Variants in ATP11A observed in about 807,000 individuals in gnomAD.
The protein encoded by ATP11A is phospholipid-transporting ATPase IH.
In ATP11A, 81 loss-of-function variants were observed where a neutral mutation model predicts 154.4. That is an observed-to-expected ratio of 0.52 (90% CI 0.44 to 0.63). The LOEUF (loss-of-function observed/expected upper bound fraction) is 0.63. ATP11A is among the 30% of genes least tolerant of loss of function. The pLI is 0.00. For synonymous variants in ATP11A, 623 were observed against 585.9 expected (o/e 1.06, Z -0.91); for missense variants, 1,316 against 1,474.3 (o/e 0.89, Z 1.76).
intron 19 of ATP11A, among the ~76,000 whole-genome samples, chr13:112,854,821 A>G (rs1193238375): frequency 6.6e-6 from 1 of 152,190 alleles, no homozygotes; most frequent in Non-Finnish European, 1.5e-5. Context: ...AAATATTTTG[A>G]GTGGGATAAT....
At chr13:112,864,235 G>GTA (rs2080234896) in intron 25 of ATP11A, among the ~76,000 whole-genome samples, 1 of 39,462 alleles carries the variant, frequency 2.5e-5, no homozygotes, top group African/African-American at 8.8e-5. Context: ...AATTCAGTGC[G>GTA]GCCCATGCAG....
intron 8 of ATP11A, among the ~76,000 whole-genome samples, chr13:112,822,930 G>A (rs2078836486): frequency 6.6e-6 from 1 of 152,162 alleles, no homozygotes; most frequent in African/African-American, 2.4e-5. Context: ...CGGTAGGCCT[G>A]GGACGATCTT....
At chr13:112,823,858 G>T (rs1348491859) in intron 9 of ATP11A, among the ~76,000 whole-genome samples, 1 of 152,182 alleles carries the variant, frequency 6.6e-6, no homozygotes, top group Non-Finnish European at 1.5e-5. Flanking sequence ...CAGGATGCCT[G>T]CAGATGCCAA....
chr13:112,707,843 C>T (rs1452352227), intron 1 of ATP11A, among the ~76,000 whole-genome samples: 3 of 152,114 alleles, frequency 2.0e-5, no homozygotes, highest in African/African-American at 7.2e-5. Flanking sequence ...GCCAAACTTG[C>T]ACCAAAAAAA....
intron 1 of ATP11A, 137 bp from the exon 2 acceptor site, chr13:112,784,998 C>G: frequency 8.6e-7 from 1 of 1,161,574 alleles, no homozygotes; most frequent in East Asian, 3.0e-5. Context: ...CCCAGGTCTC[C>G]CTGCAGCCCT....
chr13:112,779,146 G>A lies in ATP11A; in HGVS notation c.40-5989G>A, dbSNP rs148269969. On this transcript the variant is annotated intron_variant, in intron 1 of 29. Coordinates refer to ENST00000375645, the MANE Select transcript of ATP11A (RefSeq NM_015205.3). ...TGAGTAGCCGCTGGAGTGAGTAGCC[G>A]CTGGAGTGAGGAGTAGCCACTGGAG... is the stretch of plus-strand genomic sequence containing the variant. Among the ~76,000 whole-genome samples the A allele has an allele frequency of 8.5e-4, 95 of 112,252 alleles. 2 individuals are homozygous for A. The highest frequency in any genetic ancestry group is 2.1e-3 in the South Asian group (7 of 3,286). 73.6% of individuals were successfully genotyped at this position (112,252 alleles called of 152,430 possible).
intron 15 of ATP11A, among the ~76,000 whole-genome samples, chr13:112,835,320 A>G (rs1022096252): frequency 1.3e-5 from 2 of 152,238 alleles, no homozygotes; most frequent in African/African-American, 2.4e-5. Context: ...GCAAAGACAC[A>G]AGATCTGGTG....
In ATP11A at chr13:112,838,404, G is replaced by A. The variant is rs948975274; in HGVS notation, c.1705+2153G>A. ...TCACGTGGTTTTCCCCGTAGCAGTC[G>A]AATCTAGCTGTTGAGCCGTGGCTGG... is the stretch of plus-strand genomic sequence containing the variant. On this transcript the variant is annotated intron_variant, in intron 16 of 29. Transcript: ENST00000375645. This position sits in a 1 kb window ranked among gnomAD's most constrained non-coding sequence, Gnocchi z 7.3. 3.3e-5 allele frequency among the ~76,000 whole-genome samples: 5 copies of A among 151,842 alleles called. No individual in the cohort carries two copies. The highest frequency in any genetic ancestry group is 9.7e-5 in the African/African-American group (4 of 41,200).
At chr13:112,812,321 C>T (rs2078524335) in intron 5 of ATP11A, among the ~76,000 whole-genome samples, 2 of 152,318 alleles carry the variant, frequency 1.3e-5, no homozygotes, top group South Asian at 4.1e-4. Flanking sequence ...CTTCCTGCCC[C>T]CACTGGTCCT....
chr13:112,780,599 T>A (rs2077473979), intron 1 of ATP11A, among the ~76,000 whole-genome samples: 1 of 152,152 alleles, frequency 6.6e-6, no homozygotes, highest in Non-Finnish European at 1.5e-5. Flanking sequence ...CTCGCCGAAT[T>A]TTTTGTGCCC....
intron 13 of ATP11A, among the ~76,000 whole-genome samples, chr13:112,832,562 C>T (rs966623618): frequency 2.6e-5 from 4 of 152,166 alleles, no homozygotes; most frequent in Non-Finnish European, 5.9e-5. Flanking sequence ...TGGACGCTAG[C>T]GGTCACTTGC....
chr13:112,763,911 G>A (rs1423165285), intron 1 of ATP11A, among the ~76,000 whole-genome samples: 3 of 152,170 alleles, frequency 2.0e-5, no homozygotes, highest in Admixed American at 2.0e-4. Context: ...AAATCAAGCT[G>A]TGCCCCAACC....
At chr13:112,740,146 CTCTATATATATA>C (rs949824080) in intron 1 of ATP11A, among the ~76,000 whole-genome samples, 51 of 112,522 alleles carry the variant, frequency 4.5e-4, no homozygotes, top group African/African-American at 1.3e-3. Flanking sequence ...CTCTCTCTCT[CTCTATATATATA>C]TATATATATA....
Position 112,772,150 on chromosome 13 carries a change from G to A in ATP11A, c.40-12985G>A, listed in dbSNP as rs147419247. On this transcript the variant is annotated intron_variant, in intron 1 of 29. Transcript: ENST00000375645. ...ATCACCTTATCTTTGTTGGCAAAGTGCCCTATGAAATGTAAAACAAAGTCT... is the reference window on the plus strand; with the variant it reads ...ATCACCTTATCTTTGTTGGCAAAGTACCCTATGAAATGTAAAACAAAGTCT... 8.5e-5 allele frequency among the ~76,000 whole-genome samples: 13 copies of A among 152,264 alleles called. No homozygotes were observed. The East Asian group carries it at 2.5e-3, about 29-fold the overall frequency.
At chr13:112,793,671 C>T (rs920273829) in intron 2 of ATP11A, among the ~76,000 whole-genome samples, 3 of 152,212 alleles carry the variant, frequency 2.0e-5, no homozygotes, top group Admixed American at 6.5e-5. Context: ...GATGGGTGTC[C>T]GGCGTCCCCG....
intron 5 of ATP11A, among the ~76,000 whole-genome samples, chr13:112,812,324 C>T (rs983246174): frequency 4.6e-5 from 7 of 152,212 alleles, no homozygotes; most frequent in Non-Finnish European, 8.8e-5. Flanking sequence ...CCTGCCCCCA[C>T]TGGTCCTCGT....
intron 1 of ATP11A, among the ~76,000 whole-genome samples, chr13:112,763,991 A>G (rs1419115348): frequency 6.6e-6 from 1 of 152,246 alleles, no homozygotes; most frequent in African/African-American, 2.4e-5. Flanking sequence ...TTGGCAAAAT[A>G]AACCCCTAAA....
At chr13:112,800,281 A>G (rs1230419590) in intron 2 of ATP11A, among the ~76,000 whole-genome samples, 1 of 152,150 alleles carries the variant, frequency 6.6e-6, no homozygotes, top group African/African-American at 2.4e-5. Context: ...AAGAAAAGAG[A>G]CACAAATTCC....
At position 112,854,280 on chromosome 13, in the gene ATP11A, C is replaced by T. The variant is rs914324212; in HGVS notation, c.1993C>T (p.Leu665=). 2 of 1,614,002 alleles carry T rather than the reference C, an allele frequency of 1.2e-6. No individual in the cohort carries two copies. Among genetic ancestry groups the T allele is most frequent in the African/African-American group, 2.7e-5 (2 of 75,050 alleles). The change falls in exon 19 of 30, where the codon CTG becomes TTG. Residue 665 remains leucine (L), a splice_region_variant and synonymous_variant. Coordinates refer to ENST00000375645, the MANE Select transcript of ATP11A (RefSeq NM_015205.3). ...TGTGTTTGGTTTTGCCTCCCTCAGG[C>T]TGCAGGAGAAAGCTGCAGACACCAT... ...LLGATAVEDR[L]QEKAADTIEA...
Sources: allele counts gnomAD v4.1 joint callset (sites outside exome capture counted in the v4.1 genomes callset), GRCh38; gene constraint gnomAD v4.1.1; non-coding constraint Gnocchi (gnomAD v3.1); transcripts MANE v1.5; gene names NCBI Gene and HGNC (gene_info 2026-07-23, HGNC 2026-07-21).